OSBPL6: variants seen among roughly 807,000 people sequenced by gnomAD.
OSBPL6 encodes the protein oxysterol-binding protein-related protein 6.
A neutral mutation model predicts 125.8 loss-of-function variants in OSBPL6; 49 were observed. The observed-to-expected ratio is 0.39, with a 90% CI of 0.31 to 0.49. The LOEUF is 0.49. Among genes scored for constraint, OSBPL6 ranks in the 20% least tolerant of loss-of-function variants. The pLI is 0.88. For missense variants in OSBPL6, 986 were observed against 1,135.4 expected (o/e 0.87, Z 1.89); for synonymous variants, 394 against 391.8 (o/e 1.01, Z -0.07).
intron 24 of OSBPL6, 53 bp from the exon 25 acceptor site, chr2:178,395,398 T>G: frequency 1.5e-6 from 2 of 1,340,188 alleles, no homozygotes; most frequent in Non-Finnish European, 2.1e-6. Flanking sequence ...GGGTCCTATT[T>G]AAGGTTACCT....
At chr2:178,269,447 A>G (rs980321744) in intron 1 of OSBPL6, among the ~76,000 whole-genome samples, 1 of 152,230 alleles carries the variant, frequency 6.6e-6, no homozygotes, top group Non-Finnish European at 1.5e-5. Context: ...GAGTATTGGT[A>G]CCTTTAGAAG....
At chr2:178,362,142 A>G (rs1381172368) in intron 13 of OSBPL6, among the ~76,000 whole-genome samples, 1 of 152,192 alleles carries the variant, frequency 6.6e-6, no homozygotes, top group African/African-American at 2.4e-5. Context: ...TGACCTATAC[A>G]TCTGAAATGT....
Position 178,347,165 on chromosome 2 carries a change from T to C in OSBPL6, c.988-2059T>C, listed in dbSNP as rs566569171. Among the ~76,000 whole-genome samples the C allele has an allele frequency of 2.0e-5, 3 of 152,262 alleles. No individual in the cohort carries two copies. The South Asian group carries it at 6.2e-4, about 32-fold the overall frequency. ...GGGTCCTTCCTGGACTCCCTGGGTT[T>C]TCACTGCATAATGGCCTCCTATACA... is the stretch of plus-strand genomic sequence containing the variant. On this transcript the variant is annotated intron_variant, in intron 11 of 24. Coordinates refer to ENST00000190611, the MANE Select transcript of OSBPL6 (RefSeq NM_032523.4).
Position 178,402,874 on chromosome 2 carries a change from T to C in OSBPL6, c.*7315T>C, listed in dbSNP as rs1295773634. ...ATTTGTAACAGCACAGGAAACTCAA[T>C]AAATTATAAATGAATTACATAAAGA... On this transcript the variant is annotated 3_prime_UTR_variant, in exon 25 of 25. Coordinates refer to ENST00000190611, the MANE Select transcript of OSBPL6 (RefSeq NM_032523.4). The C allele has an allele frequency of 6.6e-6, 1 of 152,194 alleles. No individual in the cohort carries two copies. Among genetic ancestry groups the C allele is most frequent in the Non-Finnish European group, 1.5e-5 (1 of 68,030 alleles). The allele number at this position is 152,194 out of a possible 1,614,324, so 9.4% of individuals were successfully genotyped here.
chr2:178,387,223 G>T, intron 20 of OSBPL6, 84 bp downstream of exon 20: 1 of 1,115,946 alleles, frequency 9.0e-7, no homozygotes, highest in Non-Finnish European at 1.3e-6. Flanking sequence ...AAGATGGTAA[G>T]GGTTTCTTTC....
intron 1 of OSBPL6, among the ~76,000 whole-genome samples, chr2:178,237,194 G>A (rs147180): frequency 0.64 from 96,929 of 151,940 alleles, 33,137 homozygotes; most frequent in African/African-American, 0.9. Flanking sequence ...TAATCCTTTC[G>A]TGTCCTTCTA....
At chr2:178,266,241 G>A (rs995981274) in intron 1 of OSBPL6, among the ~76,000 whole-genome samples, 1 of 152,190 alleles carries the variant, frequency 6.6e-6, no homozygotes, top group African/African-American at 2.4e-5. Flanking sequence ...TGAGCCCCGT[G>A]AACTATTGGA....
At chr2:178,395,366 T>A in intron 24 of OSBPL6, 85 bp from the exon 25 acceptor site, 1 of 891,060 alleles carries the variant, frequency 1.1e-6, no homozygotes, top group Non-Finnish European at 1.8e-6. Flanking sequence ...TGCTTATATG[T>A]CCATGTCTAA....
chr2:178,227,389 G>A (rs900022658), intron 1 of OSBPL6, among the ~76,000 whole-genome samples: 17 of 152,150 alleles, frequency 1.1e-4, no homozygotes, highest in African/African-American at 4.1e-4. Context: ...AATAGTTCTG[G>A]CATTATGTCA....
intron 1 of OSBPL6, among the ~76,000 whole-genome samples, chr2:178,213,039 C>T (rs1267503041): frequency 6.6e-6 from 1 of 152,002 alleles, no homozygotes; most frequent in African/African-American, 2.4e-5. Context: ...GAACTCCTGG[C>T]CTCGTGATCC....
chr2:178,267,197 T>C (rs2092257632), intron 1 of OSBPL6, among the ~76,000 whole-genome samples: 2 of 151,918 alleles, frequency 1.3e-5, no homozygotes, highest in South Asian at 2.1e-4. Context: ...CTACTAAAAA[T>C]ATAAAAATTA....
intron 15 of OSBPL6, among the ~76,000 whole-genome samples, chr2:178,375,410 G>GTTGTTT (rs1320651464): frequency 6.6e-6 from 1 of 151,886 alleles, no homozygotes; most frequent in Non-Finnish European, 1.5e-5. Context: ...TTTTGTTGTT[G>GTTGTTT]TTGTTTTTGT....
At chr2:178,341,543 T>A (rs1261236323) in intron 11 of OSBPL6, among the ~76,000 whole-genome samples, 1 of 152,186 alleles carries the variant, frequency 6.6e-6, no homozygotes, top group Non-Finnish European at 1.5e-5. Flanking sequence ...TTTATGCTAT[T>A]TCACCTTGTT....
At chr2:178,194,197 T>G (rs334125), upstream of OSBPL6, among the ~76,000 whole-genome samples, 69,423 of 152,024 alleles carry the variant, frequency 0.46, 16,315 homozygotes, top group East Asian at 0.73. Flanking sequence ...GGGTTTCCAC[T>G]GCGGGTGATC....
chr2:178,293,794 C>T (rs1443279493), intron 2 of OSBPL6, among the ~76,000 whole-genome samples: 2 of 152,036 alleles, frequency 1.3e-5, no homozygotes, highest in Non-Finnish European at 2.9e-5. Context: ...CTCCACTACC[C>T]TTCCCAGCCT....
At chr2:178,382,772 T>G in intron 16 of OSBPL6, 2 of 1,425,810 alleles carry the variant, frequency 1.4e-6, no homozygotes, top group Non-Finnish European at 1.8e-6. Flanking sequence ...GTATTTAATT[T>G]TTTAAAACTT....
Position 178,383,155 on chromosome 2 carries a change from A to G in OSBPL6, c.1753A>G (p.Lys585Glu), listed in dbSNP as rs1243939185. The G allele has an allele frequency of 1.4e-5, 22 of 1,614,104 alleles. No individual in the cohort carries two copies. The highest frequency in any genetic ancestry group is 1.9e-5 in the Non-Finnish European group (22 of 1,180,040). Residue 585 changes from lysine to glutamate, a missense_variant, in exon 17 of 25, where the codon AAA becomes GAA. Lys to Glu is a moderately conservative substitution (Grantham distance 56, BLOSUM62 1). Coordinates refer to ENST00000190611, the MANE Select transcript of OSBPL6 (RefSeq NM_032523.4). ...GAACAACATTGGTAAAGACCTGTCT[A>G]AAGTCTCTATGCCTGTGGAGCTAAA... ...LRNNIGKDLS[K>E]VSMPVELNEP...
chr2:178,264,389 G>A (rs988239225), intron 1 of OSBPL6, among the ~76,000 whole-genome samples: 1 of 152,126 alleles, frequency 6.6e-6, no homozygotes, highest in African/African-American at 2.4e-5. Context: ...GCAGCACCTT[G>A]CATGTCTGGT....
chr2:178,300,782 A>G (rs1011171467), intron 2 of OSBPL6, among the ~76,000 whole-genome samples: 1 of 152,248 alleles, frequency 6.6e-6, no homozygotes, highest in Non-Finnish European at 1.5e-5. Flanking sequence ...TGTCACTTAC[A>G]GACTGTAGAT....
Sources: gnomAD v4.1 joint callset for allele counts (sites outside exome capture counted in the v4.1 genomes callset) on GRCh38, gnomAD v4.1.1 for gene constraint, MANE v1.5 for transcripts, NCBI Gene and HGNC (gene_info 2026-07-23, HGNC 2026-07-21) for gene names.